Variants in SAMD4A observed in about 807,000 individuals in gnomAD.
SAMD4A encodes protein Smaug homolog 1.
Under a neutral mutation model 81.3 loss-of-function variants are expected in SAMD4A, and 33 were observed. The ratio of observed to expected loss-of-function variants is 0.41; its 90% CI spans 0.31 to 0.54. The LOEUF is 0.54. Ranked by LOEUF, SAMD4A falls within the 20% of genes least tolerant of loss-of-function variation. SAMD4A has a pLI of 0.37. For missense variants in SAMD4A, 854 were observed against 951.1 expected (o/e 0.90, Z 1.34); for synonymous variants, 389 against 382.1 (o/e 1.02, Z -0.21).
At chr14:54,592,067 G>T (rs942725599) in intron 2 of SAMD4A, among the ~76,000 whole-genome samples, 1 of 151,226 alleles carries the variant, frequency 6.6e-6, no homozygotes, top group Non-Finnish European at 1.5e-5. Context: ...CCCTCCCCAT[G>T]TGCATCCCAC....
At chr14:54,704,065 TG>T (rs1233191901) in intron 3 of SAMD4A, among the ~76,000 whole-genome samples, 1 of 152,178 alleles carries the variant, frequency 6.6e-6, no homozygotes, top group Non-Finnish European at 1.5e-5. Context: ...TGCTACAACA[TG>T]GGATTTTTTT....
At chr14:54,706,739 G>A (rs564214935) in intron 3 of SAMD4A, among the ~76,000 whole-genome samples, 1 of 152,202 alleles carries the variant, frequency 6.6e-6, no homozygotes, top group Admixed American at 6.6e-5. Context: ...GTAGGAATAC[G>A]CACTGAGAGC....
At chr14:54,699,532 T>C (rs929463298) in intron 2 of SAMD4A, among the ~76,000 whole-genome samples, 2 of 152,178 alleles carry the variant, frequency 1.3e-5, no homozygotes, top group Non-Finnish European at 2.9e-5. Flanking sequence ...CTGTCCATGA[T>C]AAAAAATACA....
chr14:54,723,110 A>T (rs1017584544), intron 3 of SAMD4A, among the ~76,000 whole-genome samples: 5 of 152,070 alleles, frequency 3.3e-5, no homozygotes, highest in African/African-American at 1.2e-4. Flanking sequence ...ATAGAAAAAA[A>T]AAAAACCCAT....
intron 2 of SAMD4A, chr14:54,690,158 G>T (rs1002352959): frequency 6.6e-6 from 1 of 152,136 alleles, no homozygotes; most frequent in African/African-American, 2.4e-5. Context: ...GGGTGAAGTG[G>T]GGGGGGTGTT....
chr14:54,659,024 G>GC (rs1395948632), intron 2 of SAMD4A, among the ~76,000 whole-genome samples: 3 of 152,216 alleles, frequency 2.0e-5, no homozygotes, highest in Admixed American at 6.5e-5. Context: ...GGCTCACAGG[G>GC]CCCTTGAGGG....
chr14:54,755,510 C>T (rs1490253031), intron 6 of SAMD4A, among the ~76,000 whole-genome samples: 2 of 152,132 alleles, frequency 1.3e-5, no homozygotes, highest in Non-Finnish European at 2.9e-5. Flanking sequence ...AACAATAACA[C>T]AGGCTATGCT....
intron 6 of SAMD4A, among the ~76,000 whole-genome samples, chr14:54,754,148 A>G (rs1264433653): frequency 1.3e-5 from 2 of 152,220 alleles, no homozygotes; most frequent in African/African-American, 2.4e-5. Context: ...AGAAGTCAGC[A>G]TGGGGAACAC....
chr14:54,600,778 T>C (rs893936658), intron 2 of SAMD4A, among the ~76,000 whole-genome samples: 2 of 152,238 alleles, frequency 1.3e-5, no homozygotes, highest in Non-Finnish European at 2.9e-5. Flanking sequence ...ACACAGTACA[T>C]TGAAATGTTC....
chr14:54,656,905 T>G (rs2035532917), intron 2 of SAMD4A, among the ~76,000 whole-genome samples: 1 of 152,076 alleles, frequency 6.6e-6, no homozygotes, highest in African/African-American at 2.4e-5. Context: ...TGAAACAAGC[T>G]TTTTATGTGA....
At chr14:54,702,602 T>C in intron 3 of SAMD4A, 22 bp downstream of exon 3, 1 of 1,610,176 alleles carries the variant, frequency 6.2e-7, no homozygotes, top group Non-Finnish European at 8.5e-7. Context: ...GGAATCCCTT[T>C]AACGTAGTCT....
intron 2 of SAMD4A, among the ~76,000 whole-genome samples, chr14:54,687,010 A>G (rs972065771): frequency 1.3e-5 from 2 of 149,778 alleles, no homozygotes; most frequent in African/African-American, 2.4e-5. Flanking sequence ...GGATCTGTGC[A>G]GTGATTCATG....
chr14:54,760,319 C>A lies in SAMD4A; in HGVS notation c.1335C>A (p.Ser445Arg). The A allele has an allele frequency of 6.2e-7, 1 of 1,606,444 alleles. No individual in the cohort carries two copies. Among genetic ancestry groups the A allele is most frequent in the East Asian group, 2.2e-5 (1 of 44,488 alleles). The change falls in exon 7 of 13, where the codon AGC (serine) becomes AGA (arginine). Residue 445 changes from serine to arginine, a missense_variant. This residue lies in a region of SAMD4A where 428 missense variants were observed against 471.2 expected (regional missense o/e 0.91). Coordinates refer to ENST00000554335, the MANE Select transcript of SAMD4A (RefSeq NM_015589.6). ...AGCCCTCACTGATGGGCCCCGAGAGCCAGAGCCCCGACTGCAAAGATGGGG... is the reference window on the plus strand; with the variant it reads ...AGCCCTCACTGATGGGCCCCGAGAGACAGAGCCCCGACTGCAAAGATGGGG... ...PRQPSLMGPE[S>R]QSPDCKDGAA...
In SAMD4A at chr14:54,788,990, G is replaced by T. The variant is rs1304251680; in HGVS notation, c.*46G>T. The T allele has an allele frequency of 1.2e-6, 2 of 1,605,410 alleles. No individual in the cohort carries two copies. The highest frequency in any genetic ancestry group is 1.7e-6 in the Non-Finnish European group (2 of 1,172,098). ...CGCGCTGGCCGTGAAATCGACTGCTGCGGGTCCAGTGTCCGCCATCTTCAG... is the reference window on the plus strand; with the variant it reads ...CGCGCTGGCCGTGAAATCGACTGCTTCGGGTCCAGTGTCCGCCATCTTCAG... On this transcript the variant is annotated 3_prime_UTR_variant, in exon 13 of 13. Coordinates refer to ENST00000554335, the MANE Select transcript of SAMD4A (RefSeq NM_015589.6).
intron 2 of SAMD4A, among the ~76,000 whole-genome samples, chr14:54,607,457 ATT>A (rs541264095): frequency 1.4e-4 from 19 of 138,388 alleles, no homozygotes; most frequent in African/African-American, 7.9e-5. Context: ...TCAAGGTCTC[ATT>A]TTTTTTTTTT....
At chr14:54,718,975 C>A (rs1362410539) in intron 3 of SAMD4A, among the ~76,000 whole-genome samples, 1 of 151,016 alleles carries the variant, frequency 6.6e-6, no homozygotes, top group Non-Finnish European at 1.5e-5. Context: ...TGCACTCTAG[C>A]CTGGGTGACA....
At chr14:54,573,547 C>A (rs1479399189) in intron 2 of SAMD4A, among the ~76,000 whole-genome samples, 1 of 152,152 alleles carries the variant, frequency 6.6e-6, no homozygotes, top group Non-Finnish European at 1.5e-5. Context: ...TTGTGTAACT[C>A]ATTTGCTAGG....
Position 54,760,389 on chromosome 14 carries a change from G to T in SAMD4A, c.1405G>T (p.Gly469Trp). Residue 469 changes from glycine (G) to tryptophan (W), a missense_variant, in exon 7 of 13, where the codon GGG becomes TGG. Around this residue, in one of 3 missense-constraint regions of SAMD4A, gnomAD observed 428 missense variants for 471.2 expected, o/e 0.91. Transcript: ENST00000554335. ...GGCCACCCCCTCGGCCGGGGCCAGC[G>T]GGGGGCTCCAGCCGCACCAGCTGAG... ...ATATPSAGASGGLQPHQLSSC... is the reference protein window; with the variant it reads ...ATATPSAGASWGLQPHQLSSC... 6.6e-7 allele frequency: 1 copy of T among 1,509,660 alleles called. No individual in the cohort carries two copies. The allele number at this position is 1,509,660 out of a possible 1,614,324, so 93.5% of individuals were successfully genotyped here. A position where few individuals can be genotyped will look rare whatever the true frequency, so the allele number is the denominator to read the frequency against.
intron 2 of SAMD4A, among the ~76,000 whole-genome samples, chr14:54,698,012 C>T (rs1311204112): frequency 3.3e-5 from 5 of 152,298 alleles, no homozygotes; most frequent in Non-Finnish European, 5.9e-5. Flanking sequence ...CCTTTTATAA[C>T]CTAATCCATA....
Sources: gnomAD v4.1 joint callset for allele counts (sites outside exome capture counted in the v4.1 genomes callset) on GRCh38, gnomAD v4.1.1 for gene constraint, gnomAD v4.1.1 regional missense constraint, MANE v1.5 for transcripts, NCBI Gene and HGNC (gene_info 2026-07-23, HGNC 2026-07-21) for gene names.